Variants in WDR35 observed in about 807,000 individuals in gnomAD.
WDR35 encodes WD repeat-containing protein 35.
WDR35 carries 118 observed loss-of-function variants against 158.3 expected under a neutral mutation model. The ratio of observed to expected loss-of-function variants is 0.75; its 90% CI spans 0.64 to 0.87. The LOEUF is 0.87. Ranked by LOEUF, WDR35 falls within the 40% of genes least tolerant of loss-of-function variation. The pLI is 0.00. For missense variants in WDR35, 1,263 were observed against 1,405.8 expected (o/e 0.90, Z 1.62); for synonymous variants, 448 against 476.1 (o/e 0.94, Z 0.77).
chr2:19,973,600 T>C lies in WDR35; in HGVS notation c.845A>G (p.Asp282Gly). Residue 282 changes from aspartate (D) to glycine (G), a missense_variant, in exon 8 of 27, where the codon GAT becomes GGT. Physicochemically the swap from Asp to Gly is moderately conservative, Grantham distance 94. Coordinates refer to ENST00000281405, the MANE Select transcript of WDR35 (RefSeq NM_020779.4). ...AGTGTAAAACTGCACAATGTTCACA[T>C]CTTTGTCCTGCATGGCTGCCTTCTG... The part of the protein sequence containing the change: ...GFQKAAMQDK[D>G]VNIVQFYTPF... The C allele has an allele frequency of 6.2e-7, 1 of 1,614,196 alleles. No individual in the cohort carries two copies. The highest frequency in any genetic ancestry group is 1.3e-5 in the African/African-American group (1 of 75,044).
intron 25 of WDR35, among the ~76,000 whole-genome samples, chr2:19,918,201 T>C (rs1572306788): frequency 6.6e-6 from 1 of 151,714 alleles, no homozygotes; most frequent in Non-Finnish European, 1.5e-5. Context: ...CTGAGATATT[T>C]TGTCACCATC....
rs760469615 is a variant in WDR35, at chr2:19,930,372, A to G, written c.3121+24T>C. 4 of 1,614,152 alleles carry G rather than the reference A, an allele frequency of 2.5e-6. No individual in the cohort carries two copies. In the South Asian group the frequency reaches 4.4e-5, roughly 18 times the overall value. On this transcript the variant is annotated intron_variant, in intron 25 of 26. Coordinates refer to ENST00000281405, the MANE Select transcript of WDR35 (RefSeq NM_020779.4). ...TCAATTTATAATTTTCAGACATACT[A>G]TACACATTAGGTGACATGCCCACCT...
chr2:19,922,679 C>T (rs562217230), intron 25 of WDR35, among the ~76,000 whole-genome samples: 1 of 152,202 alleles, frequency 6.6e-6, no homozygotes, highest in African/African-American at 2.4e-5. Flanking sequence ...AACAAACCTG[C>T]ACATTCTGCA....
chr2:19,921,707 CA>C (rs1450378456), intron 25 of WDR35, among the ~76,000 whole-genome samples: 1 of 152,136 alleles, frequency 6.6e-6, no homozygotes, highest in East Asian at 1.9e-4. Context: ...GCAGTGGCAA[CA>C]AAAGCCAAAA....
At position 19,914,176 on chromosome 2, in the gene WDR35, T is replaced by C. The variant is rs1482685404; in HGVS notation, c.3223A>G (p.Lys1075Glu). The change falls in exon 26 of 27, where the codon AAA (lysine) becomes GAA (glutamate). Residue 1075 changes from lysine (K) to glutamate (E), a missense_variant. Lys to Glu is a moderately conservative substitution (Grantham distance 56). Transcript: ENST00000281405. Reference sequence around the variant, plus strand: ...AAAGATTTAAGTTTAATGAAAGCTTTTGAACAAGTCCCAAAGGCTCTGCTG... The same window carrying C: ...AAAGATTTAAGTTTAATGAAAGCTTCTGAACAAGTCCCAAAGGCTCTGCTG... ...CASRAFGTCSKAFIKLKSLET... is the reference protein window; with the variant it reads ...CASRAFGTCSEAFIKLKSLET... 2 of 1,614,208 alleles carry C rather than the reference T, an allele frequency of 1.2e-6. No homozygotes were observed. Among genetic ancestry groups the C allele is most frequent in the South Asian group, 1.1e-5 (1 of 91,092 alleles).
At chr2:19,987,589 C>T (rs949139696) in intron 2 of WDR35, among the ~76,000 whole-genome samples, 1 of 151,882 alleles carries the variant, frequency 6.6e-6, no homozygotes, top group Non-Finnish European at 1.5e-5. Flanking sequence ...TTAGGGAGGC[C>T]GAGGTGGGTA....
chr2:19,926,326 T>C (rs1336922642), intron 25 of WDR35, among the ~76,000 whole-genome samples: 1 of 152,266 alleles, frequency 6.6e-6, no homozygotes, highest in Non-Finnish European at 1.5e-5. Context: ...AGTGTTTTCA[T>C]TGTTTTACAG....
chr2:19,978,960 A>G (rs1331556302), intron 4 of WDR35, 81 bp from the exon 5 acceptor site: 8 of 1,566,320 alleles, frequency 5.1e-6, no homozygotes, highest in Non-Finnish European at 6.1e-6. Context: ...AGCATTCCAT[A>G]AAGTACGCCA....
chr2:19,962,373 G>A (rs752050439), intron 10 of WDR35: 3 of 1,604,374 alleles, frequency 1.9e-6, no homozygotes, highest in South Asian at 1.1e-5. Context: ...GAAAAATTCA[G>A]TTAACTCAAA....
chr2:19,932,926 T>G (rs1572325231), intron 22 of WDR35, among the ~76,000 whole-genome samples: 1 of 152,196 alleles, frequency 6.6e-6, no homozygotes, highest in South Asian at 2.1e-4. Flanking sequence ...GTACTTTTAG[T>G]TTAATTTCAG....
Position 19,948,166 on chromosome 2 carries a change from C to T in WDR35, c.1522G>A (p.Val508Met). The part of the protein sequence containing the change: ...AITASDKILI[V>M]GRESGTIQRY... ...AAATAAGTTTTTGCAAAACTTACCA[C>T]AATCAATATCTTATCTGATGCAGTT... Residue 508 changes from valine (V) to methionine (M), a missense_variant and splice_region_variant, in exon 14 of 27, where the codon GTG (valine) becomes ATG (methionine). By Grantham distance (21) the Val-to-Met change is conservative. Coordinates refer to ENST00000281405, the MANE Select transcript of WDR35 (RefSeq NM_020779.4). 1.2e-6 allele frequency: 2 copies of T among 1,606,600 alleles called. No individual in the cohort carries two copies. Among genetic ancestry groups the T allele is most frequent in the South Asian group, 1.1e-5 (1 of 89,514 alleles).
intron 3 of WDR35, 70 bp downstream of exon 3, chr2:19,982,393 C>T: frequency 7.2e-7 from 1 of 1,391,758 alleles, no homozygotes; most frequent in Non-Finnish European, 1.0e-6. Flanking sequence ...GACATTTCTG[C>T]ATTAAGTAGA....
chr2:19,980,682 A>G lies in WDR35; in HGVS notation c.307+9T>C, dbSNP rs1249954883. The G allele has an allele frequency of 6.2e-7, 1 of 1,608,968 alleles. No homozygotes were observed. The highest frequency in any genetic ancestry group is 1.7e-5 in the Admixed American group (1 of 59,998). On this transcript the variant is annotated intron_variant, in intron 4 of 26. Transcript: ENST00000281405. ...GAAAAATTAAATAATCTCTCCTAGT[A>G]AAGTATACCTTTATATAACATCCAC...
At chr2:19,924,361 G>A (rs967003884) in intron 25 of WDR35, among the ~76,000 whole-genome samples, 2 of 151,964 alleles carry the variant, frequency 1.3e-5, no homozygotes, top group Non-Finnish European at 2.9e-5. Flanking sequence ...TCAGGAGATC[G>A]AGACCATCCT....
At position 19,931,347 on chromosome 2, in the gene WDR35, C is replaced by G. The variant is rs201836442; in HGVS notation, c.2886G>C (p.Leu962=). 6 of 1,613,264 alleles carry G rather than the reference C, an allele frequency of 3.7e-6. No homozygotes were observed. Among genetic ancestry groups the G allele is most frequent in the Non-Finnish European group, 5.1e-6 (6 of 1,179,712 alleles). ...KPLRVKKLYV[L]SALLIEQYHE... is the part of the protein sequence containing the mutation. ...GGTATTGCTCTATAAGTAAGGCTGA[C>G]AGTACATAGAGCTTCTTGACACGTA... is the stretch of plus-strand genomic sequence containing the variant. The change falls in exon 24 of 27, where the codon CTG becomes CTC. Residue 962 remains leucine, a synonymous_variant. Coordinates refer to ENST00000281405, the MANE Select transcript of WDR35 (RefSeq NM_020779.4).
Position 19,911,784 on chromosome 2 carries a change from T to A in WDR35, c.*1774A>T, listed in dbSNP as rs1054837523. ...ATATTCATGATACACTAAGTATGCATGAGACATATAAAGCCTTCAGTATGT... is the reference window on the plus strand; with the variant it reads ...ATATTCATGATACACTAAGTATGCAAGAGACATATAAAGCCTTCAGTATGT... On this transcript the variant is annotated 3_prime_UTR_variant, in exon 27 of 27. Transcript: ENST00000281405. 2 of 152,246 alleles carry A rather than the reference T, an allele frequency of 1.3e-5. No homozygotes were observed. Among genetic ancestry groups the A allele is most frequent in the Non-Finnish European group, 2.9e-5 (2 of 68,042 alleles). 9.4% of individuals were successfully genotyped at this position (152,246 alleles called of 1,614,324 possible).
intron 9 of WDR35, among the ~76,000 whole-genome samples, chr2:19,967,530 C>T (rs72779370): frequency 0.014 from 2,069 of 151,710 alleles, 16 homozygotes; most frequent in Non-Finnish European, 0.021. Flanking sequence ...TACAGCTTTC[C>T]CTTCTAACTC....
chr2:19,915,563 A>G (rs1469355044), intron 25 of WDR35, among the ~76,000 whole-genome samples: 1 of 152,144 alleles, frequency 6.6e-6, no homozygotes, highest in African/African-American at 2.4e-5. Context: ...GCTATTTTAA[A>G]CAGTGTATAA....
chr2:19,930,255 G>T, intron 25 of WDR35, 141 bp downstream of exon 25: 2 of 1,238,230 alleles, frequency 1.6e-6, no homozygotes, highest in Non-Finnish European at 2.3e-6. Context: ...AAATGGGAAT[G>T]CATAAGACTC....
Sources: gnomAD v4.1 joint callset for allele counts (sites outside exome capture counted in the v4.1 genomes callset) on GRCh38, gnomAD v4.1.1 for gene constraint, MANE v1.5 for transcripts, NCBI Gene and HGNC (gene_info 2026-07-23, HGNC 2026-07-21) for gene names.